TXLNA: variants seen among roughly 807,000 people sequenced by gnomAD.
TXLNA encodes the protein alpha-taxilin.
In TXLNA, 9 loss-of-function variants were observed where a neutral mutation model predicts 61.4. That is an observed-to-expected ratio of 0.15 (90% CI 0.09 to 0.26). TXLNA has a LOEUF of 0.26. TXLNA is among the 10% of genes least tolerant of loss of function. The probability of loss-of-function intolerance (pLI) is 1.00; values close to 1 mark genes in which losing one functional copy is unlikely to be tolerated. For missense variants in TXLNA, 565 were observed against 688.8 expected (o/e 0.82, Z 2.01); for synonymous variants, 257 against 267.7 (o/e 0.96, Z 0.39).
At position 32,187,982 on chromosome 1, in the gene TXLNA, A is replaced by G. The variant is rs762339878; in HGVS notation, c.626A>G (p.Gln209Arg). The G allele has an allele frequency of 6.2e-7, 1 of 1,613,928 alleles. No homozygotes were observed. The change falls in exon 5 of 11, where the codon CAG (glutamine) becomes CGG (arginine). Residue 209 changes from glutamine to arginine, a missense_variant. By Grantham distance (43) the Gln-to-Arg change is conservative. Coordinates refer to ENST00000373610, the MANE Select transcript of TXLNA (RefSeq NM_175852.4). ...GAGGAGCACCGGAATTCACAGAAGC[A>G]GATGAAGCTCCTACAGAAAAAGCAG... The part of the protein sequence containing the change: ...LLEEHRNSQK[Q>R]MKLLQKKQSQ...
In TXLNA at chr1:32,181,507, C is replaced by A. The variant is rs1242241367; in HGVS notation, c.435C>A (p.Ile145=). The A allele has an allele frequency of 3.7e-6, 6 of 1,604,952 alleles. No homozygotes were observed. Among genetic ancestry groups the A allele is most frequent in the Non-Finnish European group, 5.1e-6 (6 of 1,175,552 alleles). The change falls in exon 3 of 11, where the codon ATC becomes ATA. Residue 145 remains isoleucine, a synonymous_variant. Transcript: ENST00000373610. ...AGGGGGATCCAAACACAGAAGAGAT[C>A]CGGCAGAGTGACGAGGTCGGAGACC... ...PSKGDPNTEE[I]RQSDEVGDRD...
chr1:32,193,415 G>A, intron 9 of TXLNA, 115 bp downstream of exon 9: 1 of 761,294 alleles, frequency 1.3e-6, no homozygotes, highest in Middle Eastern at 3.4e-4. Flanking sequence ...AGGGCTGTTA[G>A]GAAGGTTCAC....
chr1:32,191,245 A>G (rs1421703419), intron 6 of TXLNA, among the ~76,000 whole-genome samples: 1 of 152,108 alleles, frequency 6.6e-6, no homozygotes, highest in East Asian at 1.9e-4. Flanking sequence ...CAGCCCCCTT[A>G]CAGGGCTGGC....
At chr1:32,180,012 A>G (rs1642617006) in intron 1 of TXLNA, 1 of 172,982 alleles carries the variant, frequency 5.8e-6, no homozygotes, top group African/African-American at 2.4e-5. Flanking sequence ...CCGCCACGTC[A>G]GTCTCCGGCC....
intron 4 of TXLNA, 73 bp downstream of exon 4, chr1:32,184,689 G>C: frequency 1.9e-6 from 2 of 1,048,608 alleles, no homozygotes; most frequent in Non-Finnish European, 2.9e-6. Flanking sequence ...AAGGTTGGGG[G>C]TGCAGAGTCA....
At chr1:32,193,323 A>T (rs1642946995) in intron 9 of TXLNA, 23 bp downstream of exon 9, 1 of 1,567,890 alleles carries the variant, frequency 6.4e-7, no homozygotes, top group Non-Finnish European at 8.8e-7. Context: ...CAGGCCAGGC[A>T]TGGCTGCTGG....
chr1:32,190,335 C>A, intron 6 of TXLNA, 86 bp downstream of exon 6: 1 of 1,286,508 alleles, frequency 7.8e-7, no homozygotes, highest in Non-Finnish European at 1.1e-6. Context: ...CCTTTTCAGG[C>A]TTCATCCCAT....
At chr1:32,189,794 G>C (rs1386102903) in intron 5 of TXLNA, among the ~76,000 whole-genome samples, 1 of 152,098 alleles carries the variant, frequency 6.6e-6, no homozygotes, top group Non-Finnish European at 1.5e-5. Flanking sequence ...GCCCACCTCA[G>C]CCTCCCAAAG....
At chr1:32,184,035 C>T (rs1361800979) in intron 3 of TXLNA, among the ~76,000 whole-genome samples, 2 of 152,222 alleles carry the variant, frequency 1.3e-5, no homozygotes, top group South Asian at 4.1e-4. Flanking sequence ...CCTTGCCTGG[C>T]CGAAAGTATC....
chr1:32,188,607 C>T (rs1642838347), intron 5 of TXLNA, among the ~76,000 whole-genome samples: 1 of 151,076 alleles, frequency 6.6e-6, no homozygotes, highest in East Asian at 1.9e-4. Context: ...CACTGCATTA[C>T]AGCCTGGGCA....
At position 32,195,354 on chromosome 1, in the gene TXLNA, C is replaced by A; in HGVS notation, c.*159C>A. On this transcript the variant is annotated 3_prime_UTR_variant, in exon 11 of 11. Transcript: ENST00000373610. ...TTTTGGATTTTGTGGGTCAGTTTTA[C>A]GTACATAGGGCATTTTGCAAGGCCT... 1.4e-6 allele frequency: 1 copy of A among 739,774 alleles called. No individual in the cohort carries two copies. The highest frequency in any genetic ancestry group is 2.2e-6 in the Non-Finnish European group (1 of 455,512). 45.8% of individuals were successfully genotyped at this position (739,774 alleles called of 1,614,324 possible).
rs146353446 is a variant in TXLNA at position 32,180,424 on chromosome 1, C to T, written c.79C>T (p.Pro27Ser). The T allele has an allele frequency of 1.4e-4, 223 of 1,613,854 alleles. No homozygotes were observed. The highest frequency in any genetic ancestry group is 1.9e-4 in the Non-Finnish European group (222 of 1,179,924). Residue 27 changes from proline to serine, a missense_variant, in exon 2 of 11, where the codon CCC (proline) becomes TCC (serine). Physicochemically the swap from Pro to Ser is moderately conservative, Grantham distance 74. Around this residue, in one of 2 missense-constraint regions of TXLNA, gnomAD observed 192 missense variants for 184.8 expected, o/e 1.04. Coordinates refer to ENST00000373610, the MANE Select transcript of TXLNA (RefSeq NM_175852.4). Reference sequence around the variant, plus strand: ...CAGCCCAGGACAACCGGAAGCAGGACCCGAGGGAGCCCAGGAGCGGCCCAG... The same window carrying T: ...CAGCCCAGGACAACCGGAAGCAGGATCCGAGGGAGCCCAGGAGCGGCCCAG... ...KSSPGQPEAG[P>S]EGAQERPSQA...
Position 32,197,128 on chromosome 1 carries a change from C to G in TXLNA, c.*1933C>G, listed in dbSNP as rs1444678595. The G allele has an allele frequency of 6.6e-6, 1 of 152,394 alleles. No homozygotes were observed. The highest frequency in any genetic ancestry group is 2.4e-5 in the African/African-American group (1 of 41,454). 9.4% of individuals were successfully genotyped at this position (152,394 alleles called of 1,614,324 possible). On this transcript the variant is annotated 3_prime_UTR_variant, in exon 11 of 11. Transcript: ENST00000373610. The surrounding 1 kb of genome is among the most constrained non-coding windows in gnomAD (Gnocchi z 4.6). ...GCTCCAGTAGGGCCTTTTCCCTACC[C>G]CAGCCCCTGTGCCAGGCTAAGCTGG...
At chr1:32,191,819 C>T (rs909001830) in intron 6 of TXLNA, among the ~76,000 whole-genome samples, 1 of 152,230 alleles carries the variant, frequency 6.6e-6, no homozygotes, top group Non-Finnish European at 1.5e-5. Context: ...TCTCTCTCAC[C>T]TGACACAGGT....
In TXLNA at chr1:32,195,904, G is replaced by T. The variant is rs1199127680; in HGVS notation, c.*709G>T. ...CTTATCATTCACAGGTGCCTCTCTA[G>T]CCTGCACAAATGATTGACAAGAGAT... On this transcript the variant is annotated 3_prime_UTR_variant, in exon 11 of 11. Coordinates refer to ENST00000373610, the MANE Select transcript of TXLNA (RefSeq NM_175852.4). 3 of 328,436 alleles carry T rather than the reference G, an allele frequency of 9.1e-6. No individual in the cohort carries two copies. Among genetic ancestry groups the T allele is most frequent in the African/African-American group, 4.4e-5 (2 of 45,514 alleles). 20.3% of individuals were successfully genotyped at this position (328,436 alleles called of 1,614,324 possible). A position where few individuals can be genotyped will look rare whatever the true frequency, so the allele number is the denominator to read the frequency against.
In TXLNA at chr1:32,192,785, T is replaced by C. The variant is rs901893549; in HGVS notation, c.1158+54T>C. On this transcript the variant is annotated intron_variant, in intron 8 of 10. Transcript: ENST00000373610. This position sits in a 1 kb window ranked among gnomAD's most constrained non-coding sequence, Gnocchi z 4.2. Reference sequence around the variant, plus strand: ...TTCAAGTTTCCCTCACTGGGCCCCATCCTGGGGGTAGTGAAATGGGACCCT... The same window carrying C: ...TTCAAGTTTCCCTCACTGGGCCCCACCCTGGGGGTAGTGAAATGGGACCCT... The C allele has an allele frequency of 3.9e-5, 62 of 1,576,418 alleles. No individual in the cohort carries two copies. Among genetic ancestry groups the C allele is most frequent in the African/African-American group, 5.4e-5 (4 of 74,144 alleles).
chr1:32,194,245 GAC>G, intron 10 of TXLNA, 85 bp downstream of exon 10: 1 of 1,086,018 alleles, frequency 9.2e-7, no homozygotes, highest in Non-Finnish European at 1.4e-6. Context: ...ACCCATCAGT[GAC>G]ACAGCTAGCA....
rs1386453764 is a variant in TXLNA at position 32,188,701 on chromosome 1, CGTTAA to C, written c.768+579_768+583del. On this transcript the variant is annotated intron_variant, in intron 5 of 10. Transcript: ENST00000373610. ...AATACACTTTCTCAATAATGCCTTACGTTAAGAGAGTACTGCTTGTAATCATTTGA... is the reference window on the plus strand; with the variant it reads ...AATACACTTTCTCAATAATGCCTTACGAGAGTACTGCTTGTAATCATTTGA... Among the ~76,000 whole-genome samples, 3 of 151,202 alleles carry C rather than the reference CGTTAA, an allele frequency of 2.0e-5. No individual in the cohort carries two copies. The East Asian group carries it at 5.8e-4, about 29-fold the overall frequency.
rs1463649365 is a variant in TXLNA at position 32,180,433 on chromosome 1, G to C, written c.88G>C (p.Ala30Pro). The C allele has an allele frequency of 1.2e-6, 2 of 1,613,854 alleles. No homozygotes were observed. Among genetic ancestry groups the C allele is most frequent in the Non-Finnish European group, 1.7e-6 (2 of 1,179,884 alleles). ...PGQPEAGPEG[A>P]QERPSQAAPA... ...ACAACCGGAAGCAGGACCCGAGGGA[G>C]CCCAGGAGCGGCCCAGCCAGGCGGC... The change falls in exon 2 of 11, where the codon GCC becomes CCC. Residue 30 changes from alanine (A) to proline (P), a missense_variant. Around this residue, in one of 2 missense-constraint regions of TXLNA, gnomAD observed 192 missense variants for 184.8 expected, o/e 1.04. Coordinates refer to ENST00000373610, the MANE Select transcript of TXLNA (RefSeq NM_175852.4).
Sources: gnomAD v4.1 joint callset for allele counts (sites outside exome capture counted in the v4.1 genomes callset) on GRCh38, gnomAD v4.1.1 for gene constraint, gnomAD v4.1.1 regional missense constraint, Gnocchi (gnomAD v3.1) non-coding constraint, MANE v1.5 for transcripts, NCBI Gene and HGNC (gene_info 2026-07-23, HGNC 2026-07-21) for gene names.